The following ZBTB20 variants were observed in gnomAD, a reference collection of about 807,000 sequenced individuals.
ZBTB20 encodes the protein zinc finger and BTB domain containing 20, also known as zinc finger and BTB domain-containing protein 20.
A neutral mutation model predicts 56.9 loss-of-function variants in ZBTB20; 9 were observed. That is an observed-to-expected ratio of 0.16 (90% CI 0.10 to 0.28). ZBTB20 has a LOEUF of 0.28. ZBTB20 is among the 10% of genes least tolerant of loss of function. The probability of loss-of-function intolerance (pLI) is 1.00; values close to 1 mark genes in which losing one functional copy is unlikely to be tolerated. For missense variants in ZBTB20, 655 were observed against 1,003.0 expected, an observed-to-expected ratio of 0.65 and a Z score of 4.69; for synonymous variants, 417 against 420.7, an observed-to-expected ratio of 0.99 and a Z score of 0.11.
chr3:114,541,511 G>T (rs1202127133), intron 6 of ZBTB20, among the ~76,000 whole-genome samples: 1 of 152,022 alleles, frequency 6.6e-6, no homozygotes, highest in Non-Finnish European at 1.5e-5. Flanking sequence ...TGCCCTATTT[G>T]AGTGATAACC....
intron 1 of ZBTB20, among the ~76,000 whole-genome samples, chr3:115,132,668 G>A (rs1253501476): frequency 1.3e-5 from 2 of 152,128 alleles, no homozygotes; most frequent in Non-Finnish European, 2.9e-5. Context: ...TGGAGGCTGA[G>A]GTGGCAGGAT....
At chr3:114,912,325 G>T (rs1485280910) in intron 3 of ZBTB20, among the ~76,000 whole-genome samples, 1 of 150,124 alleles carries the variant, frequency 6.7e-6, no homozygotes, top group Admixed American at 6.7e-5. Flanking sequence ...TTATATGAAA[G>T]AATAAAACTT....
rs146723029 is a variant in ZBTB20 at position 114,852,245 on chromosome 3, C to CATTTT, written c.-417+48054_-417+48058dup. Among the ~76,000 whole-genome samples the CATTTT allele has an allele frequency of 3.5e-3, 524 of 151,628 alleles. 4 individuals are homozygous for CATTTT. The highest frequency in any genetic ancestry group is 6.8e-3 in the Middle Eastern group (2 of 292). ...CCTGTTTATCTAGTTTTTGAACTTT[C>CATTTT]ATTTTATTTTATTTTATTTTATTTA... On this transcript the variant is annotated intron_variant, in intron 4 of 11. Transcript: ENST00000675478.
At chr3:114,560,289 G>C (rs2051839045) in intron 6 of ZBTB20, among the ~76,000 whole-genome samples, 1 of 152,170 alleles carries the variant, frequency 6.6e-6, no homozygotes, top group South Asian at 2.1e-4. Context: ...CATCTTCCCT[G>C]TAAGGTTTCT....
Position 114,320,054 on chromosome 3 carries a change from T to C in ZBTB20, c.*18951A>G, listed in dbSNP as rs1206226549. On this transcript the variant is annotated 3_prime_UTR_variant, in exon 12 of 12. Coordinates refer to ENST00000675478, the MANE Select transcript of ZBTB20 (RefSeq NM_001348800.3). ...AAGATCTCTGCTCTCAGAGGAATGC[T>C]CTGTTTTCTCCATCCCCATTGAACT... The C allele has an allele frequency of 6.6e-6, 1 of 152,186 alleles. No homozygotes were observed. The highest frequency in any genetic ancestry group is 1.5e-5 in the Non-Finnish European group (1 of 68,040). 9.4% of individuals were successfully genotyped at this position (152,186 alleles called of 1,614,324 possible).
chr3:114,572,336 G>C (rs565359657), intron 6 of ZBTB20, among the ~76,000 whole-genome samples: 1 of 152,212 alleles, frequency 6.6e-6, no homozygotes, highest in Non-Finnish European at 1.5e-5. Context: ...CAAAGTGTAA[G>C]CATTTCTACC....
chr3:114,564,431 T>C (rs1408589811), intron 6 of ZBTB20, among the ~76,000 whole-genome samples: 2 of 152,132 alleles, frequency 1.3e-5, no homozygotes, highest in Non-Finnish European at 2.9e-5. Flanking sequence ...GCAAGCAAGA[T>C]GGTATCTTAT....
At chr3:114,380,631 T>G in intron 9 of ZBTB20, 146 bp downstream of exon 9, 12 of 1,251,930 alleles carry the variant, frequency 9.6e-6, no homozygotes, top group Non-Finnish European at 1.3e-5. Flanking sequence ...GCACCACATT[T>G]GGACTCTGTT....
At chr3:115,146,834 G>C (rs1373033886) in intron 1 of ZBTB20, among the ~76,000 whole-genome samples, 1 of 152,090 alleles carries the variant, frequency 6.6e-6, no homozygotes, top group Non-Finnish European at 1.5e-5. Flanking sequence ...CCAGGCGCAG[G>C]GAGTAGAGAG....
intron 6 of ZBTB20, among the ~76,000 whole-genome samples, chr3:114,649,130 C>T (rs2059998711): frequency 6.6e-6 from 1 of 151,962 alleles, no homozygotes; most frequent in Non-Finnish European, 1.5e-5. Context: ...ACTATTCCTT[C>T]ATTGTTAACT....
At chr3:115,110,412 G>A (rs1283506239) in intron 1 of ZBTB20, among the ~76,000 whole-genome samples, 1 of 152,092 alleles carries the variant, frequency 6.6e-6, no homozygotes, top group East Asian at 1.9e-4. Context: ...TAGGCTTATA[G>A]CCATAACTTT....
chr3:115,006,351 A>G (rs1286961226), intron 2 of ZBTB20, among the ~76,000 whole-genome samples: 1 of 151,700 alleles, frequency 6.6e-6, no homozygotes, highest in Non-Finnish European at 1.5e-5. Flanking sequence ...TATAGTTTCT[A>G]GCACTTCGGG....
At chr3:115,054,538 T>C (rs2081681568) in intron 2 of ZBTB20, among the ~76,000 whole-genome samples, 1 of 152,126 alleles carries the variant, frequency 6.6e-6, no homozygotes, top group African/African-American at 2.4e-5. Context: ...ATTAGAACAC[T>C]ACAGCATGTT....
At chr3:114,448,746 GAT>G (rs1360991052) in intron 7 of ZBTB20, among the ~76,000 whole-genome samples, 1 of 152,012 alleles carries the variant, frequency 6.6e-6, no homozygotes. Flanking sequence ...CATAAATTAA[GAT>G]AAAATATTTG....
At chr3:114,913,606 T>A (rs751470495) in intron 3 of ZBTB20, among the ~76,000 whole-genome samples, 1 of 152,072 alleles carries the variant, frequency 6.6e-6, no homozygotes, top group Non-Finnish European at 1.5e-5. Flanking sequence ...CATATGTCCA[T>A]TTTTGCTTTG....
In ZBTB20 at chr3:114,316,235, T is replaced by C. The variant is rs2078679804; in HGVS notation, c.*22770A>G. On this transcript the variant is annotated 3_prime_UTR_variant, in exon 12 of 12. Coordinates refer to ENST00000675478, the MANE Select transcript of ZBTB20 (RefSeq NM_001348800.3). ...GCATTCGCATCGGATCAAGATGGTTTCGCCCATTTTTCCTTTTTCACTAAC... is the reference window on the plus strand; with the variant it reads ...GCATTCGCATCGGATCAAGATGGTTCCGCCCATTTTTCCTTTTTCACTAAC... The C allele has an allele frequency of 3.2e-6, 1 of 316,924 alleles. No homozygotes were observed. The highest frequency in any genetic ancestry group is 5.9e-6 in the Non-Finnish European group (1 of 169,370). 19.6% of individuals were successfully genotyped at this position (316,924 alleles called of 1,614,324 possible). A position where few individuals can be genotyped will look rare whatever the true frequency, so the allele number is the denominator to read the frequency against.
chr3:114,374,173 A>G (rs911695137), intron 10 of ZBTB20, among the ~76,000 whole-genome samples: 2 of 152,232 alleles, frequency 1.3e-5, no homozygotes, highest in African/African-American at 2.4e-5. Context: ...GACTTTTTAA[A>G]ACGGGAAAGA....
At chr3:114,785,489 G>T (rs2070412339) in intron 5 of ZBTB20, among the ~76,000 whole-genome samples, 1 of 152,032 alleles carries the variant, frequency 6.6e-6, no homozygotes, top group African/African-American at 2.4e-5. Context: ...GTTATCTTAG[G>T]GGGTGACAGA....
intron 3 of ZBTB20, among the ~76,000 whole-genome samples, chr3:114,964,987 G>GA (rs557033914): frequency 5.8e-4 from 89 of 152,138 alleles, no homozygotes; most frequent in African/African-American, 2.0e-3. Context: ...GTGCCATGTG[G>GA]AAAAAAATTC....
Sources: allele counts gnomAD v4.1 joint callset (sites outside exome capture counted in the v4.1 genomes callset), GRCh38; gene constraint gnomAD v4.1.1; transcripts MANE v1.5; gene names NCBI Gene and HGNC (gene_info 2026-07-23, HGNC 2026-07-21).